SLC24A3: variants seen among roughly 807,000 people sequenced by gnomAD.
SLC24A3 encodes the protein solute carrier family 24 member 3.
SLC24A3 carries 28 observed loss-of-function variants against 75.8 expected under a neutral mutation model. That is an observed-to-expected ratio of 0.37 (90% CI 0.27 to 0.51). SLC24A3 has a LOEUF of 0.51. SLC24A3 is among the 20% of genes least tolerant of loss of function. The probability of loss-of-function intolerance (pLI) is 0.94; values close to 1 mark genes in which losing one functional copy is unlikely to be tolerated. For synonymous variants in SLC24A3, 372 were observed against 334.1 expected (o/e 1.11, Z -1.24); for missense variants, 663 against 847.8 (o/e 0.78, Z 2.71).
intron 15 of SLC24A3, among the ~76,000 whole-genome samples, chr20:19,714,863 T>C (rs1474324910): frequency 1.3e-5 from 2 of 152,208 alleles, no homozygotes; most frequent in Admixed American, 1.3e-4. Context: ...CAAAGGGAAT[T>C]TTCCTGCTAG....
At chr20:19,295,991 C>CT (rs1984051036) in intron 2 of SLC24A3, among the ~76,000 whole-genome samples, 2 of 151,900 alleles carry the variant, frequency 1.3e-5, no homozygotes, top group South Asian at 2.1e-4. Flanking sequence ...TGGTCCTGGG[C>CT]TTTTTTTGGT....
chr20:19,522,765 A>G (rs1028707521), intron 3 of SLC24A3, among the ~76,000 whole-genome samples: 1 of 143,868 alleles, frequency 7.0e-6, no homozygotes, highest in Non-Finnish European at 1.5e-5. Context: ...CCAGGGCTCC[A>G]GGAGAGGCTG....
intron 6 of SLC24A3, among the ~76,000 whole-genome samples, chr20:19,589,419 C>T (rs1197511231): frequency 6.6e-6 from 1 of 152,220 alleles, no homozygotes; most frequent in Non-Finnish European, 1.5e-5. Flanking sequence ...TTCCAGCTTG[C>T]TGGGCTCAGG....
intron 1 of SLC24A3, among the ~76,000 whole-genome samples, chr20:19,223,927 C>T (rs745557078): frequency 5.9e-5 from 9 of 152,162 alleles, no homozygotes; most frequent in South Asian, 2.1e-4. Context: ...ATGTCCCAGG[C>T]GGGACAGAGC....
chr20:19,387,564 A>G (rs536440244), intron 2 of SLC24A3, among the ~76,000 whole-genome samples: 1 of 152,048 alleles, frequency 6.6e-6, no homozygotes, highest in Admixed American at 6.5e-5. Context: ...TTTCTTTTTG[A>G]TTTCTTCTTT....
Position 19,514,111 on chromosome 20 carries a change from T to C in SLC24A3, c.272-1377T>C, listed in dbSNP as rs185226702. Among the ~76,000 whole-genome samples, 265 of 152,328 alleles carry C rather than the reference T, an allele frequency of 1.7e-3. 1 individual carries two copies. Among genetic ancestry groups the C allele is most frequent in the African/African-American group, 6.0e-3 (251 of 41,580 alleles). On this transcript the variant is annotated intron_variant, in intron 2 of 16. Transcript: ENST00000328041. ...TGCCTTAAGCCAATGCTGCCTTGGA[T>C]GCAGAGAGCAGAGCCTTTTCAAGCA...
intron 6 of SLC24A3, among the ~76,000 whole-genome samples, chr20:19,606,483 G>A (rs569980303): frequency 3.9e-5 from 6 of 152,296 alleles, no homozygotes; most frequent in Middle Eastern, 3.4e-3. Context: ...GGGATTTTAA[G>A]CTCCAGTAAA....
intron 3 of SLC24A3, among the ~76,000 whole-genome samples, chr20:19,577,541 A>G (rs2031158217): frequency 6.6e-6 from 1 of 152,222 alleles, no homozygotes; most frequent in Non-Finnish European, 1.5e-5. Context: ...TACACAAGAA[A>G]TACTATTTCA....
chr20:19,373,445 T>A (rs6112331), intron 2 of SLC24A3, among the ~76,000 whole-genome samples: 87,250 of 152,006 alleles, frequency 0.57, 27,344 homozygotes, highest in African/African-American at 0.84. Context: ...AGGTCAGAGC[T>A]GCCCACATGC....
chr20:19,325,834 AGAGAGG>A (rs1449058656), intron 2 of SLC24A3, among the ~76,000 whole-genome samples: 3,327 of 88,218 alleles, frequency 0.038, 289 homozygotes, highest in Non-Finnish European at 0.044. Context: ...AGAGAGAGAG[AGAGAGG>A]GAGACATCTG....
intron 2 of SLC24A3, among the ~76,000 whole-genome samples, chr20:19,446,652 C>T (rs982990193): frequency 2.0e-5 from 3 of 152,210 alleles, no homozygotes; most frequent in African/African-American, 7.2e-5. Context: ...TGTCTGCCTA[C>T]AGGGAAAACA....
At chr20:19,398,152 C>A (rs979233738) in intron 2 of SLC24A3, among the ~76,000 whole-genome samples, 9 of 151,910 alleles carry the variant, frequency 5.9e-5, no homozygotes, top group African/African-American at 1.9e-4. Flanking sequence ...GTGTGACTTC[C>A]CATTGATATA....
At chr20:19,622,283 A>C (rs1344980519) in intron 6 of SLC24A3, among the ~76,000 whole-genome samples, 1 of 152,174 alleles carries the variant, frequency 6.6e-6, no homozygotes, top group Admixed American at 6.5e-5. Flanking sequence ...GGCTCACTGG[A>C]GGAATGAGCA....
chr20:19,690,564 G>A (rs1264121738), intron 12 of SLC24A3, among the ~76,000 whole-genome samples: 1 of 152,138 alleles, frequency 6.6e-6, no homozygotes, highest in East Asian at 1.9e-4. Context: ...GTCCGTTTGA[G>A]GGCATCAGCC....
intron 13 of SLC24A3, chr20:19,694,556 A>G (rs1176542897): frequency 3.3e-5 from 5 of 152,022 alleles, no homozygotes; most frequent in African/African-American, 9.7e-5. Context: ...TGCATTCACT[A>G]ATGTTTTCAT....
chr20:19,249,267 T>C (rs2328369), intron 1 of SLC24A3, among the ~76,000 whole-genome samples: 99,631 of 152,042 alleles, frequency 0.66, 34,225 homozygotes, highest in East Asian at 0.96. Context: ...TGATGTGGAG[T>C]GAGTATCTTT....
At chr20:19,457,963 G>A (rs1008985702) in intron 2 of SLC24A3, among the ~76,000 whole-genome samples, 2 of 152,198 alleles carry the variant, frequency 1.3e-5, no homozygotes, top group African/African-American at 2.4e-5. Context: ...CTGGAGGACC[G>A]TTGATGAATT....
intron 2 of SLC24A3, among the ~76,000 whole-genome samples, chr20:19,484,529 T>C (rs1988101708): frequency 6.6e-6 from 1 of 152,250 alleles, no homozygotes; most frequent in Non-Finnish European, 1.5e-5. Flanking sequence ...GAAATTCTGA[T>C]GTATGTTACA....
intron 2 of SLC24A3, among the ~76,000 whole-genome samples, chr20:19,339,107 A>G (rs1488969581): frequency 3.6e-5 from 1 of 28,110 alleles, no homozygotes; most frequent in African/African-American, 1.7e-4. Context: ...ATTCTTGGAC[A>G]CATAGCCTGA....
Sources: allele counts gnomAD v4.1 joint callset (sites outside exome capture counted in the v4.1 genomes callset), GRCh38; gene constraint gnomAD v4.1.1; transcripts MANE v1.5; gene names NCBI Gene and HGNC (gene_info 2026-07-23, HGNC 2026-07-21).